FGD6: variants seen among roughly 807,000 people sequenced by gnomAD.
The protein encoded by FGD6 is FYVE, RhoGEF and PH domain-containing protein 6.
In FGD6, 90 loss-of-function variants were observed where a neutral mutation model predicts 149.4. The observed-to-expected ratio is 0.60, with a 90% CI of 0.51 to 0.72. The LOEUF (loss-of-function observed/expected upper bound fraction) is 0.72. Among genes scored for constraint, FGD6 ranks in the 30% least tolerant of loss-of-function variants. The pLI, the probability that FGD6 is intolerant of heterozygous loss-of-function variation, is 0.00. For synonymous variants in FGD6, 527 were observed against 584.0 expected, an observed-to-expected ratio of 0.90 and a Z score of 1.41; for missense variants, 1,437 against 1,684.8, an observed-to-expected ratio of 0.85 and a Z score of 2.57.
chr12:95,148,426 A>G (rs1880076787), intron 5 of FGD6, among the ~76,000 whole-genome samples: 1 of 148,240 alleles, frequency 6.7e-6, no homozygotes, highest in Admixed American at 7.0e-5. Flanking sequence ...TGAAGCAAAG[A>G]TGCTTCATTA....
At chr12:95,165,327 T>C (rs1880773981) in intron 3 of FGD6, among the ~76,000 whole-genome samples, 1 of 151,156 alleles carries the variant, frequency 6.6e-6, no homozygotes. Context: ...GTATCAATTT[T>C]CTTTTTTTCT....
rs145360213 is a variant in FGD6, at chr12:95,188,945, T to A, written c.2442-16201A>T. Reference sequence around the variant, plus strand: ...AAATCTGGACATGTTGACATGTGGATTACAGCAATAGTTTTTGGTCTACTT... The same window carrying A: ...AAATCTGGACATGTTGACATGTGGAATACAGCAATAGTTTTTGGTCTACTT... On this transcript the variant is annotated intron_variant, in intron 2 of 20. Coordinates refer to ENST00000343958, the MANE Select transcript of FGD6 (RefSeq NM_018351.4). Among the ~76,000 whole-genome samples the A allele has an allele frequency of 5.7e-3, 865 of 152,274 alleles. 6 individuals are homozygous for A. The highest frequency in any genetic ancestry group is 0.044 in the Middle Eastern group (13 of 294).
chr12:95,166,689 C>T lies in FGD6; in HGVS notation c.2586+5911G>A, dbSNP rs550631809. On this transcript the variant is annotated intron_variant, in intron 3 of 20. Transcript: ENST00000343958. ...CTGCACTCCAGCCTGGGTGACAGAG[C>T]GAGACCCCATCTCAAAAAAAATAAA... Among the ~76,000 whole-genome samples, 112 of 151,974 alleles carry T rather than the reference C, an allele frequency of 7.4e-4. 1 individual carries two copies. The highest frequency in any genetic ancestry group is 1.3e-3 in the Admixed American group (20 of 15,232).
chr12:95,200,474 A>G (rs2056651332), intron 2 of FGD6, among the ~76,000 whole-genome samples: 1 of 152,176 alleles, frequency 6.6e-6, no homozygotes, highest in Non-Finnish European at 1.5e-5. Context: ...CATTTCCATC[A>G]CTGTTCATTT....
At chr12:95,121,481 G>GTATA (rs71830420) in intron 8 of FGD6, among the ~76,000 whole-genome samples, 1,857 of 121,736 alleles carry the variant, frequency 0.015, 23 homozygotes, top group African/African-American at 0.027. Flanking sequence ...ATATATATAT[G>GTATA]TATATATATA....
intron 1 of FGD6, among the ~76,000 whole-genome samples, chr12:95,213,044 TGA>T (rs1299400328): frequency 1.5e-5 from 2 of 136,740 alleles, no homozygotes; most frequent in African/African-American, 6.2e-5. Context: ...TAATTTTGTC[TGA>T]GTTTTTTTTA....
At chr12:95,146,832 A>G (rs1377783162) in intron 5 of FGD6, among the ~76,000 whole-genome samples, 2 of 152,118 alleles carry the variant, frequency 1.3e-5, no homozygotes, top group African/African-American at 2.4e-5. Flanking sequence ...AGATATTAAC[A>G]TACCAGCTTG....
At chr12:95,164,597 A>T (rs532426656) in intron 3 of FGD6, among the ~76,000 whole-genome samples, 1 of 152,102 alleles carries the variant, frequency 6.6e-6, no homozygotes, top group East Asian at 1.9e-4. Context: ...TGCCTAGCTA[A>T]TTTTTGTATT....
intron 8 of FGD6, among the ~76,000 whole-genome samples, chr12:95,115,950 C>T (rs1878997224): frequency 6.6e-6 from 1 of 152,156 alleles, no homozygotes; most frequent in Admixed American, 6.5e-5. Context: ...TATTAAGCTT[C>T]CCTGCGCCAT....
chr12:95,137,344 C>A (rs1448389342), intron 7 of FGD6, among the ~76,000 whole-genome samples, 178 bp downstream of exon 7: 2 of 152,112 alleles, frequency 1.3e-5, no homozygotes, highest in African/African-American at 4.8e-5. Flanking sequence ...AAAATTAAGT[C>A]ATGTACATTC....
intron 3 of FGD6, among the ~76,000 whole-genome samples, chr12:95,156,490 T>A (rs1198240250): frequency 6.6e-6 from 1 of 152,212 alleles, no homozygotes; most frequent in Non-Finnish European, 1.5e-5. Context: ...TTGTCTGCTC[T>A]CAAACCCTGT....
chr12:95,142,560 G>T (rs986781157), intron 5 of FGD6, among the ~76,000 whole-genome samples: 1 of 152,182 alleles, frequency 6.6e-6, no homozygotes, highest in Non-Finnish European at 1.5e-5. Flanking sequence ...TTATAGGCAT[G>T]AGCCACCGTG....
chr12:95,081,685 AT>A (rs745458824), intron 20 of FGD6, 129 bp from the exon 21 acceptor site: 12,700 of 231,732 alleles, frequency 0.055, 1 homozygote, highest in Middle Eastern at 0.083. Context: ...ATATATATGT[AT>A]TTTTTTTTTT....
rs558302485 is a variant in FGD6, at chr12:95,092,861, A to G, written c.3601-16T>C. 1.9e-6 allele frequency: 3 copies of G among 1,596,178 alleles called. No homozygotes were observed. In the South Asian group the frequency reaches 3.4e-5, roughly 18 times the overall value. On this transcript the variant is annotated splice_polypyrimidine_tract_variant and intron_variant, in intron 15 of 20. Coordinates refer to ENST00000343958, the MANE Select transcript of FGD6 (RefSeq NM_018351.4). ...CTGAGTCTGCCTGTGGAAGAAGAAC[A>G]ACTTCTGATTATCTCCATGCACACT...
At chr12:95,150,456 A>G (rs1179729768) in intron 5 of FGD6, among the ~76,000 whole-genome samples, 2 of 152,186 alleles carry the variant, frequency 1.3e-5, no homozygotes, top group Non-Finnish European at 2.9e-5. Context: ...GTACTTAATT[A>G]TATCAGATGT....
At chr12:95,142,145 T>A (rs1198043133) in intron 5 of FGD6, among the ~76,000 whole-genome samples, 1 of 148,776 alleles carries the variant, frequency 6.7e-6, no homozygotes, top group Non-Finnish European at 1.5e-5. Context: ...CTTTTGTATT[T>A]TTTTTTTTTT....
intron 14 of FGD6, among the ~76,000 whole-genome samples, chr12:95,100,268 A>G (rs1469754593): frequency 6.6e-6 from 1 of 152,216 alleles, no homozygotes; most frequent in African/African-American, 2.4e-5. Context: ...AGGGTAGGTG[A>G]TGCCCAGTAA....
In FGD6 at chr12:95,209,406, A is replaced by C. The variant is rs781415949; in HGVS notation, c.1878T>G (p.Ser626=). Residue 626 remains serine (S), a synonymous_variant, in exon 2 of 21, where the codon TCT becomes TCG. Coordinates refer to ENST00000343958, the MANE Select transcript of FGD6 (RefSeq NM_018351.4). ...KPCKDSTKKN[S]FKKLLSMKLS... ...GTTTCATGCTGAGCAACTTTTTAAA[A>C]GAGTTTTTCTTTGTAGAGTCTTTGC... 1 of 1,613,098 alleles carries C rather than the reference A, an allele frequency of 6.2e-7. No individual in the cohort carries two copies. Among genetic ancestry groups the C allele is most frequent in the Non-Finnish European group, 8.5e-7 (1 of 1,179,342 alleles).
At chr12:95,105,503 T>C (rs914517530) in intron 13 of FGD6, among the ~76,000 whole-genome samples, 4 of 152,244 alleles carry the variant, frequency 2.6e-5, no homozygotes, top group South Asian at 2.1e-4. Context: ...TGTGCCTTTA[T>C]AGTGATATTT....
Sources: allele counts gnomAD v4.1 joint callset (sites outside exome capture counted in the v4.1 genomes callset), GRCh38; gene constraint gnomAD v4.1.1; transcripts MANE v1.5; gene names NCBI Gene and HGNC (gene_info 2026-07-23, HGNC 2026-07-21).